PPARGC1B: variants seen among roughly 807,000 people sequenced by gnomAD.
The protein encoded by PPARGC1B is peroxisome proliferator-activated receptor gamma coactivator 1-beta.
A neutral mutation model predicts 101.6 loss-of-function variants in PPARGC1B; 34 were observed. The observed-to-expected ratio is 0.33, with a 90% CI of 0.25 to 0.45. PPARGC1B has a LOEUF of 0.45. PPARGC1B is among the 20% of genes least tolerant of loss of function. PPARGC1B has a pLI of 1.00. For synonymous variants in PPARGC1B, 548 were observed against 539.3 expected, an observed-to-expected ratio of 1.02 and a Z score of -0.22; for missense variants, 1,234 against 1,317.6, an observed-to-expected ratio of 0.94 and a Z score of 0.98.
chr5:149,763,222 G>T (rs2113160042), intron 1 of PPARGC1B, among the ~76,000 whole-genome samples: 1 of 152,332 alleles, frequency 6.6e-6, no homozygotes, highest in African/African-American at 2.4e-5. Context: ...TCTCATTCTG[G>T]ATTCCTCAGG....
intron 1 of PPARGC1B, among the ~76,000 whole-genome samples, chr5:149,736,308 T>C (rs1439290618): frequency 6.6e-6 from 1 of 152,082 alleles, no homozygotes; most frequent in Non-Finnish European, 1.5e-5. Context: ...AATAATTCTC[T>C]CTTTGAAGCA....
downstream of PPARGC1B, among the ~76,000 whole-genome samples, chr5:149,856,334 T>C (rs893426862): frequency 6.6e-6 from 1 of 152,186 alleles, no homozygotes; most frequent in Non-Finnish European, 1.5e-5. Flanking sequence ...AATAGGAACG[T>C]TTCCACTTAG....
chr5:149,779,304 T>C (rs924530437), intron 1 of PPARGC1B, among the ~76,000 whole-genome samples: 1 of 152,198 alleles, frequency 6.6e-6, no homozygotes, highest in African/African-American at 2.4e-5. Context: ...ACACCATGCC[T>C]GGCACGATCT....
chr5:149,732,216 G>A (rs1195508314), intron 1 of PPARGC1B, among the ~76,000 whole-genome samples: 1 of 152,204 alleles, frequency 6.6e-6, no homozygotes, highest in Non-Finnish European at 1.5e-5. Context: ...AGTACCCCCA[G>A]AGCCGACAGC....
downstream of PPARGC1B, among the ~76,000 whole-genome samples, chr5:149,857,617 A>G (rs1759989855): frequency 6.6e-6 from 1 of 152,200 alleles, no homozygotes; most frequent in African/African-American, 2.4e-5. Flanking sequence ...TTCCAGACCC[A>G]GTTCTCTATT....
intron 1 of PPARGC1B, among the ~76,000 whole-genome samples, chr5:149,756,579 G>A (rs1755527975): frequency 1.3e-5 from 2 of 152,196 alleles, no homozygotes; most frequent in African/African-American, 2.4e-5. Context: ...CAGCATCCCT[G>A]GCCTCGGGGA....
At chr5:149,770,543 C>A (rs949363490) in intron 1 of PPARGC1B, among the ~76,000 whole-genome samples, 1 of 152,168 alleles carries the variant, frequency 6.6e-6, no homozygotes, top group Admixed American at 6.5e-5. Context: ...AATTTCTTTA[C>A]CTGTTAAGTG....
chr5:149,769,544 G>A (rs954734082), intron 1 of PPARGC1B, among the ~76,000 whole-genome samples: 4 of 152,178 alleles, frequency 2.6e-5, no homozygotes, highest in Non-Finnish European at 5.9e-5. Flanking sequence ...CCCCGGCCAT[G>A]CCCTCGTCCT....
chr5:149,823,943 CTG>C (rs113130916), intron 2 of PPARGC1B, among the ~76,000 whole-genome samples: 42 of 152,302 alleles, frequency 2.8e-4, no homozygotes, highest in African/African-American at 9.9e-4. Flanking sequence ...CCCTGACTCA[CTG>C]TGTGACCTTG....
At position 149,741,111 on chromosome 5, in the gene PPARGC1B, T is replaced by C. The variant is rs751589876; in HGVS notation, c.78+10691T>C. 1.1e-3 allele frequency among the ~76,000 whole-genome samples: 162 copies of C among 152,082 alleles called. 1 individual carries two copies. The highest frequency in any genetic ancestry group is 1.7e-3 in the Non-Finnish European group (116 of 68,018). ...CCCACTGTCTGGGAACTCAGCCGGG[T>C]GAGCCCTGCTTGGCTGAGAGATGGA... On this transcript the variant is annotated intron_variant, in intron 1 of 11. Coordinates refer to ENST00000309241, the MANE Select transcript of PPARGC1B (RefSeq NM_133263.4).
At chr5:149,834,155 T>TA (rs1490753799) in intron 5 of PPARGC1B, among the ~76,000 whole-genome samples, 1 of 152,252 alleles carries the variant, frequency 6.6e-6, no homozygotes, top group African/African-American at 2.4e-5. Context: ...ACAATGCAGC[T>TA]AGAGTTTTAA....
Position 149,730,389 on chromosome 5 carries a change from CCTT to C in PPARGC1B, c.52_54del (p.Phe18del), listed in dbSNP as rs765995549. ...GCGCTGCTGGACGAAGAGCTCTCCT[CCTT>C]CTTCCTCAACTATCTCGCTGACACG... On this transcript the variant is annotated inframe_deletion, in exon 1 of 12. Transcript: ENST00000309241. The surrounding 1 kb of genome is among the most constrained non-coding windows in gnomAD (Gnocchi z 4.0). 1.1e-5 allele frequency: 18 copies of C among 1,574,186 alleles called. No homozygotes were observed. In the South Asian group the frequency reaches 1.2e-4, roughly 10 times the overall value.
chr5:149,820,934 C>A (rs1758270263), intron 2 of PPARGC1B, among the ~76,000 whole-genome samples: 1 of 152,074 alleles, frequency 6.6e-6, no homozygotes, highest in Non-Finnish European at 1.5e-5. Flanking sequence ...CAGTCTTCGT[C>A]CCCACCCTGC....
At chr5:149,741,769 A>G (rs1754917333) in intron 1 of PPARGC1B, among the ~76,000 whole-genome samples, 1 of 151,924 alleles carries the variant, frequency 6.6e-6, no homozygotes, top group African/African-American at 2.4e-5. Context: ...CTGGGATTAC[A>G]GGCGTCTGCC....
chr5:149,744,476 C>T (rs1036760124), intron 1 of PPARGC1B, among the ~76,000 whole-genome samples: 4 of 152,106 alleles, frequency 2.6e-5, no homozygotes, highest in African/African-American at 7.2e-5. Context: ...TATGTGAAAG[C>T]GCAAAGCTCA....
intron 9 of PPARGC1B, among the ~76,000 whole-genome samples, chr5:149,841,042 G>A (rs1322843204): frequency 6.6e-6 from 1 of 152,144 alleles, no homozygotes; most frequent in East Asian, 1.9e-4. Flanking sequence ...GAGGGATGAG[G>A]CCCCCCTTCT....
At chr5:149,793,772 C>G (rs1179864107) in intron 1 of PPARGC1B, among the ~76,000 whole-genome samples, 1 of 152,138 alleles carries the variant, frequency 6.6e-6, no homozygotes, top group Non-Finnish European at 1.5e-5. Context: ...AGCTGAGACC[C>G]TAAAAACCAA....
intron 1 of PPARGC1B, among the ~76,000 whole-genome samples, chr5:149,734,196 C>G (rs896254892): frequency 2.0e-5 from 3 of 148,506 alleles, no homozygotes; most frequent in Non-Finnish European, 4.4e-5. Context: ...GTGACACACA[C>G]CTGTAATCCC....
intron 4 of PPARGC1B, 59 bp downstream of exon 4, chr5:149,830,942 G>C: frequency 8.4e-7 from 1 of 1,192,458 alleles, no homozygotes; most frequent in Non-Finnish European, 1.3e-6. Flanking sequence ...GCAGCCTTCA[G>C]CTCTGGTGGA....
Sources: allele counts gnomAD v4.1 joint callset (sites outside exome capture counted in the v4.1 genomes callset), GRCh38; gene constraint gnomAD v4.1.1; non-coding constraint Gnocchi (gnomAD v3.1); transcripts MANE v1.5; gene names NCBI Gene and HGNC (gene_info 2026-07-23, HGNC 2026-07-21).